Variants in BICC1 observed in about 807,000 individuals in gnomAD.
The protein encoded by BICC1 is BicC family RNA binding protein 1, also known as protein bicaudal C homolog 1.
BICC1 carries 43 observed loss-of-function variants against 111.0 expected under a neutral mutation model. The observed-to-expected ratio is 0.39, with a 90% CI of 0.30 to 0.50. The LOEUF (loss-of-function observed/expected upper bound fraction) is 0.50, where lower values mean the gene tolerates loss of function less well. BICC1 is among the 20% of genes least tolerant of loss of function. BICC1 has a pLI of 0.88. For synonymous variants in BICC1, 467 were observed against 434.4 expected (o/e 1.07, Z -0.93); for missense variants, 1,091 against 1,203.2 (o/e 0.91, Z 1.38).
chr10:58,739,091 A>G (rs1564585088), intron 3 of BICC1, among the ~76,000 whole-genome samples: 1 of 152,074 alleles, frequency 6.6e-6, no homozygotes. Flanking sequence ...TCTCTTGCCT[A>G]ATTGCCCTGG....
At chr10:58,756,460 A>G (rs182229646) in intron 3 of BICC1, among the ~76,000 whole-genome samples, 1 of 152,234 alleles carries the variant, frequency 6.6e-6, no homozygotes, top group Admixed American at 6.5e-5. Flanking sequence ...TTGCTCTTAT[A>G]TTTAGGACCA....
chr10:58,557,219 G>T (rs1241563242), intron 1 of BICC1, among the ~76,000 whole-genome samples: 1 of 152,018 alleles, frequency 6.6e-6, no homozygotes, highest in Admixed American at 6.6e-5. Flanking sequence ...CATTGTTTCT[G>T]ATGAGAAATT....
At chr10:58,784,871 A>C in intron 3 of BICC1, 130 bp from the exon 4 acceptor site, 1 of 384,084 alleles carries the variant, frequency 2.6e-6, no homozygotes, top group Non-Finnish European at 4.6e-6. Flanking sequence ...TTATTATAAT[A>C]ATAATCTCCA....
intron 2 of BICC1, among the ~76,000 whole-genome samples, chr10:58,688,705 A>G (rs1483484315): frequency 6.6e-6 from 1 of 152,222 alleles, no homozygotes; most frequent in Admixed American, 6.5e-5. Flanking sequence ...CAGCCATAAA[A>G]AATAATGAGT....
At chr10:58,702,513 G>T (rs533219822) in intron 3 of BICC1, among the ~76,000 whole-genome samples, 39 of 147,812 alleles carry the variant, frequency 2.6e-4, no homozygotes, top group South Asian at 4.3e-4. Context: ...TTAATAGCTG[G>T]TTTTTTTTTT....
chr10:58,675,251 G>C (rs1287699394), intron 2 of BICC1, among the ~76,000 whole-genome samples: 3 of 152,130 alleles, frequency 2.0e-5, no homozygotes, highest in Non-Finnish European at 4.4e-5. Flanking sequence ...GGTTTGGAAG[G>C]AGTATCCAAT....
intron 1 of BICC1, among the ~76,000 whole-genome samples, chr10:58,523,764 G>A (rs7392557): frequency 0.46 from 69,338 of 151,284 alleles, 16,897 homozygotes; most frequent in Admixed American, 0.62. Context: ...AAGTCAAATT[G>A]ACCCTGTTTG....
chr10:58,718,301 A>T (rs1257075510), intron 3 of BICC1, among the ~76,000 whole-genome samples: 1 of 152,120 alleles, frequency 6.6e-6, no homozygotes, highest in Non-Finnish European at 1.5e-5. Context: ...AAGGGGCAAA[A>T]AACCTCCCTC....
intron 1 of BICC1, among the ~76,000 whole-genome samples, chr10:58,598,783 C>A (rs1185426155): frequency 6.6e-6 from 1 of 152,048 alleles, no homozygotes; most frequent in African/African-American, 2.4e-5. Flanking sequence ...TACTCAGAAT[C>A]TACAAAGAGC....
At chr10:58,513,471 C>T in intron 1 of BICC1, 138 bp downstream of exon 1, 1 of 814,674 alleles carries the variant, frequency 1.2e-6, no homozygotes, top group South Asian at 2.3e-5. Flanking sequence ...CCCGCGGAGC[C>T]GGAGGACACC....
In BICC1 at chr10:58,513,215, C is replaced by G. The variant is rs1842142847; in HGVS notation, c.72C>G (p.Thr24=). The G allele has an allele frequency of 6.2e-7, 1 of 1,610,944 alleles. No homozygotes were observed. Among genetic ancestry groups the G allele is most frequent in the African/African-American group, 1.3e-5 (1 of 74,836 alleles). ...CCGGCTCCAACAGCGAGCGCAGCAC[C>G]GACTCCCCAGTGCCCGGCTCCGAGG... is the stretch of plus-strand genomic sequence containing the variant. ...SDPGSNSERS[T]DSPVPGSEDD... is the part of the protein sequence containing the mutation. Residue 24 remains threonine (T), a synonymous_variant, in exon 1 of 21, where the codon ACC becomes ACG. Coordinates refer to ENST00000373886, the MANE Select transcript of BICC1 (RefSeq NM_001080512.3).
At chr10:58,618,402 G>A (rs1845689355) in intron 1 of BICC1, among the ~76,000 whole-genome samples, 1 of 152,240 alleles carries the variant, frequency 6.6e-6, no homozygotes, top group Non-Finnish European at 1.5e-5. Flanking sequence ...GTGAGGTCGT[G>A]CTTGGCTTGG....
Position 58,586,630 on chromosome 10 carries a change from A to C in BICC1, c.191-34225A>C, listed in dbSNP as rs1269621959. On this transcript the variant is annotated intron_variant, in intron 1 of 20. Coordinates refer to ENST00000373886, the MANE Select transcript of BICC1 (RefSeq NM_001080512.3). ...ACTCACTCTCTCTCAAAAAAAAAAA[A>C]AACAAAAAAAAACCTCATACAGAGT... 2.0e-3 allele frequency among the ~76,000 whole-genome samples: 65 copies of C among 32,812 alleles called. 1 individual carries two copies. In the Admixed American group the frequency reaches 0.026, roughly 13 times the overall value. 21.5% of individuals were successfully genotyped at this position (32,812 alleles called of 152,430 possible).
intron 1 of BICC1, among the ~76,000 whole-genome samples, chr10:58,617,483 G>A (rs1845655463): frequency 6.6e-6 from 1 of 152,226 alleles, no homozygotes; most frequent in Admixed American, 6.5e-5. Flanking sequence ...AGGCCATGGG[G>A]CCTGAGGCAC....
intron 18 of BICC1, among the ~76,000 whole-genome samples, chr10:58,816,325 T>A (rs1471512096): frequency 6.6e-6 from 1 of 152,138 alleles, no homozygotes; most frequent in East Asian, 1.9e-4. Context: ...CTGCTTCACC[T>A]TTAAATGGTG....
intron 1 of BICC1, among the ~76,000 whole-genome samples, chr10:58,595,079 A>G (rs1384744694): frequency 6.6e-6 from 1 of 152,196 alleles, no homozygotes; most frequent in Non-Finnish European, 1.5e-5. Flanking sequence ...GTAGGCTCTG[A>G]TAAAACAGAC....
rs1297416239 is a variant in BICC1 at position 58,769,372 on chromosome 10, ATGTATGTGTG to A, written c.308-15625_308-15616del. On this transcript the variant is annotated intron_variant, in intron 3 of 20. Transcript: ENST00000373886. ...TGTTGATTGTGGTAATAGTTTTATA[ATGTATGTGTG>A]TGTGTGTGTGTGTGTGTGTGTGTAT... Among the ~76,000 whole-genome samples, 109 of 86,230 alleles carry A rather than the reference ATGTATGTGTG, an allele frequency of 1.3e-3. 1 individual carries two copies. The highest frequency in any genetic ancestry group is 2.9e-3 in the African/African-American group (85 of 28,842). The allele number at this position is 86,230 out of a possible 152,430, so 56.6% of individuals were successfully genotyped here.
intron 2 of BICC1, among the ~76,000 whole-genome samples, chr10:58,628,301 C>T (rs1486267405): frequency 6.6e-6 from 1 of 152,042 alleles, no homozygotes; most frequent in Non-Finnish European, 1.5e-5. Flanking sequence ...AGTTTTTTTG[C>T]TGAAAAACAT....
At chr10:58,759,868 G>T (rs1312314461) in intron 3 of BICC1, among the ~76,000 whole-genome samples, 2 of 151,910 alleles carry the variant, frequency 1.3e-5, no homozygotes, top group Non-Finnish European at 2.9e-5. Context: ...CTGAGGCAGG[G>T]GAATGGCGTG....
Sources: gnomAD v4.1 joint callset for allele counts (sites outside exome capture counted in the v4.1 genomes callset) on GRCh38, gnomAD v4.1.1 for gene constraint, MANE v1.5 for transcripts, NCBI Gene and HGNC (gene_info 2026-07-23, HGNC 2026-07-21) for gene names.